Variants in FAM171B observed in about 807,000 individuals in gnomAD.
FAM171B encodes the protein protein FAM171B.
In FAM171B, 19 loss-of-function variants were observed where a neutral mutation model predicts 75.6. That is an observed-to-expected ratio of 0.25 (90% CI 0.18 to 0.37). The LOEUF (loss-of-function observed/expected upper bound fraction) is 0.37. Ranked by LOEUF, FAM171B falls within the 10% of genes least tolerant of loss-of-function variation. The pLI is 1.00. For synonymous variants in FAM171B, 367 were observed against 361.7 expected (o/e 1.01, Z -0.17); for missense variants, 848 against 982.4 (o/e 0.86, Z 1.83).
At chr2:186,724,411 C>A (rs1472043999) in intron 1 of FAM171B, among the ~76,000 whole-genome samples, 1 of 152,162 alleles carries the variant, frequency 6.6e-6, no homozygotes, top group East Asian at 1.9e-4. Flanking sequence ...CAGCTTTGGA[C>A]CCTAAGACTC....
intron 1 of FAM171B, among the ~76,000 whole-genome samples, chr2:186,714,250 G>T (rs1689846647): frequency 6.6e-6 from 1 of 152,030 alleles, no homozygotes; most frequent in African/African-American, 2.4e-5. Flanking sequence ...TTAATATATT[G>T]ATTAGATCTG....
intron 1 of FAM171B, among the ~76,000 whole-genome samples, chr2:186,700,026 G>C (rs1479421815): frequency 2.6e-5 from 4 of 151,052 alleles, no homozygotes; most frequent in Non-Finnish European, 5.9e-5. Flanking sequence ...GGTTACTATG[G>C]CTCTGCAGTA....
intron 1 of FAM171B, among the ~76,000 whole-genome samples, chr2:186,707,554 C>A (rs1413724100): frequency 6.6e-6 from 1 of 152,138 alleles, no homozygotes; most frequent in East Asian, 1.9e-4. Flanking sequence ...TTTTTAAGTA[C>A]ACATTAGTTA....
chr2:186,698,580 G>A (rs1689612944), intron 1 of FAM171B, among the ~76,000 whole-genome samples: 1 of 152,028 alleles, frequency 6.6e-6, no homozygotes, highest in East Asian at 1.9e-4. Context: ...TTTTGATACA[G>A]GCATAAAATG....
At chr2:186,727,986 G>A (rs952081707) in intron 1 of FAM171B, among the ~76,000 whole-genome samples, 1 of 152,058 alleles carries the variant, frequency 6.6e-6, no homozygotes, top group Non-Finnish European at 1.5e-5. Flanking sequence ...CTAGGCCTCT[G>A]AATAGACCCC....
At chr2:186,754,837 AT>A (rs948910157) in intron 6 of FAM171B, among the ~76,000 whole-genome samples, 6 of 152,096 alleles carry the variant, frequency 3.9e-5, no homozygotes, top group South Asian at 2.1e-4. Flanking sequence ...TTTTTAAATG[AT>A]TTTTTTTAAG....
chr2:186,729,478 G>T (rs1255012094), intron 1 of FAM171B, among the ~76,000 whole-genome samples: 1 of 152,004 alleles, frequency 6.6e-6, no homozygotes, highest in Non-Finnish European at 1.5e-5. Context: ...GATTATTAGG[G>T]ATATATATTG....
At chr2:186,751,573 A>G (rs1690455359) in intron 5 of FAM171B, among the ~76,000 whole-genome samples, 1 of 152,154 alleles carries the variant, frequency 6.6e-6, no homozygotes, top group South Asian at 2.1e-4. Context: ...AATTTTTTAA[A>G]ATTATCTCTC....
chr2:186,709,067 G>A (rs1689772873), intron 1 of FAM171B, among the ~76,000 whole-genome samples: 1 of 152,098 alleles, frequency 6.6e-6, no homozygotes, highest in African/African-American at 2.4e-5. Context: ...GAGGGAGCAG[G>A]CTCATCACAC....
intron 1 of FAM171B, among the ~76,000 whole-genome samples, chr2:186,694,657 G>A (rs1368768881): frequency 6.6e-6 from 1 of 151,824 alleles, no homozygotes; most frequent in Non-Finnish European, 1.5e-5. Context: ...AGAGGGGTCG[G>A]GAAGGCTGGG....
Position 186,761,709 on chromosome 2 carries a change from C to G in FAM171B, c.1367C>G (p.Thr456Ser), listed in dbSNP as rs181781180. ...ETEERVSMVK[T>S]RDDFKIYNED... Reference sequence around the variant, plus strand: ...GAAGAAAGAGTTTCCATGGTAAAAACTCGGGACGATTTTAAAATCTACAAT... The same window carrying G: ...GAAGAAAGAGTTTCCATGGTAAAAAGTCGGGACGATTTTAAAATCTACAAT... The change falls in exon 8 of 8, where the codon ACT (threonine) becomes AGT (serine). Residue 456 changes from threonine (T) to serine (S), a missense_variant. By Grantham distance (58) the Thr-to-Ser change is moderately conservative. This residue lies in a region of FAM171B where 665 missense variants were observed against 729.0 expected (regional missense o/e 0.91). Transcript: ENST00000304698. The G allele has an allele frequency of 6.2e-7, 1 of 1,612,966 alleles. No individual in the cohort carries two copies. Among genetic ancestry groups the G allele is most frequent in the East Asian group, 2.2e-5 (1 of 44,864 alleles).
chr2:186,694,480 C>T, intron 1 of FAM171B, 69 bp downstream of exon 1: 1 of 1,522,554 alleles, frequency 6.6e-7, no homozygotes, highest in East Asian at 2.4e-5. Context: ...CGCCGGCTTC[C>T]TCGCCCCTTC....
intron 1 of FAM171B, among the ~76,000 whole-genome samples, chr2:186,710,962 A>G (rs952064821): frequency 6.6e-6 from 1 of 152,158 alleles, no homozygotes; most frequent in African/African-American, 2.4e-5. Flanking sequence ...TTTCATCTCT[A>G]AAAGCTTCAG....
chr2:186,704,383 A>G (rs541831306), intron 1 of FAM171B, among the ~76,000 whole-genome samples: 2 of 152,300 alleles, frequency 1.3e-5, no homozygotes, highest in African/African-American at 4.8e-5. Flanking sequence ...ACTAATATCT[A>G]TGCTTTATAA....
In FAM171B at chr2:186,760,605, G is replaced by A. The variant is rs144010237; in HGVS notation, c.1013-508G>A. On this transcript the variant is annotated intron_variant, in intron 6 of 7. Coordinates refer to ENST00000304698, the MANE Select transcript of FAM171B (RefSeq NM_177454.4). ...CTCACTGCCTGGCCTAGAAGCCAAT[G>A]TCATATGTTTTAAGCTTTCTATAGC... is the stretch of plus-strand genomic sequence containing the variant. Among the ~76,000 whole-genome samples, 853 of 151,676 alleles carry A rather than the reference G, an allele frequency of 5.6e-3. 8 individuals are homozygous for A. The highest frequency in any genetic ancestry group is 0.011 in the Admixed American group (172 of 15,170).
chr2:186,748,288 C>T (rs374302007), intron 4 of FAM171B, among the ~76,000 whole-genome samples: 2 of 151,584 alleles, frequency 1.3e-5, no homozygotes, highest in South Asian at 2.1e-4. Context: ...TCACCTCAAA[C>T]AGTCTATAAT....
chr2:186,727,165 T>C (rs916761671), intron 1 of FAM171B, among the ~76,000 whole-genome samples: 3 of 152,176 alleles, frequency 2.0e-5, no homozygotes, highest in Non-Finnish European at 2.9e-5. Context: ...TAATAGGGGC[T>C]GTCAAGAACC....
intron 6 of FAM171B, among the ~76,000 whole-genome samples, chr2:186,754,901 G>A (rs1216753471): frequency 6.6e-6 from 1 of 152,052 alleles, no homozygotes; most frequent in Non-Finnish European, 1.5e-5. Flanking sequence ...CAAAAGATTG[G>A]ACACCCCTGT....
Position 186,762,490 on chromosome 2 carries a change from A to T in FAM171B, c.2148A>T (p.Ser716=). Residue 716 remains serine, a synonymous_variant, in exon 8 of 8, where the codon TCA becomes TCT. Transcript: ENST00000304698. This position sits in a 1 kb window ranked among gnomAD's most constrained non-coding sequence, Gnocchi z 4.0. ...GGGTGGACATGAATGAGCTTCACTCAAGTAGAAAGCTCGAGAGGGAGAAAA... is the reference window on the plus strand; with the variant it reads ...GGGTGGACATGAATGAGCTTCACTCTAGTAGAAAGCTCGAGAGGGAGAAAA... The part of the protein sequence containing the change: ...DSGVDMNELH[S]SRKLEREKTF... 1 of 1,613,578 alleles carries T rather than the reference A, an allele frequency of 6.2e-7. No homozygotes were observed. The highest frequency in any genetic ancestry group is 8.5e-7 in the Non-Finnish European group (1 of 1,179,740).
Sources: gnomAD v4.1 joint callset for allele counts (sites outside exome capture counted in the v4.1 genomes callset) on GRCh38, gnomAD v4.1.1 for gene constraint, gnomAD v4.1.1 regional missense constraint, Gnocchi (gnomAD v3.1) non-coding constraint, MANE v1.5 for transcripts, NCBI Gene and HGNC (gene_info 2026-07-23, HGNC 2026-07-21) for gene names.